ATP11A: variants seen among roughly 807,000 people sequenced by gnomAD.
ATP11A encodes the protein phospholipid-transporting ATPase IH.
ATP11A carries 81 observed loss-of-function variants against 154.4 expected under a neutral mutation model. The observed-to-expected ratio is 0.52, with a 90% CI of 0.44 to 0.63. ATP11A has a LOEUF of 0.63. ATP11A is among the 30% of genes least tolerant of loss of function. The probability of loss-of-function intolerance (pLI) is 0.00; values close to 1 mark genes in which losing one functional copy is unlikely to be tolerated. For missense variants in ATP11A, 1,316 were observed against 1,474.3 expected (o/e 0.89, Z 1.76); for synonymous variants, 623 against 585.9 (o/e 1.06, Z -0.91).
intron 1 of ATP11A, among the ~76,000 whole-genome samples, chr13:112,775,066 G>A (rs950195108): frequency 4.6e-5 from 7 of 152,282 alleles, no homozygotes; most frequent in Non-Finnish European, 8.8e-5. Context: ...GAGGGACAGC[G>A]AGTGGGTTGC....
chr13:112,763,483 A>T (rs767514819), intron 1 of ATP11A, among the ~76,000 whole-genome samples: 4 of 152,206 alleles, frequency 2.6e-5, no homozygotes, highest in Non-Finnish European at 5.9e-5. Flanking sequence ...AATACATTTC[A>T]TTGACATATT....
intron 2 of ATP11A, among the ~76,000 whole-genome samples, chr13:112,792,712 C>T (rs924986876): frequency 6.6e-6 from 1 of 152,172 alleles, no homozygotes; most frequent in Non-Finnish European, 1.5e-5. Flanking sequence ...ACGCCCCGTT[C>T]CCTGCTTCCT....
rs1328565172 is a variant in ATP11A at position 112,875,935 on chromosome 13, A to T, written c.3321A>T (p.Arg1107Ser). 1.4e-5 allele frequency: 22 copies of T among 1,610,922 alleles called. No individual in the cohort carries two copies. Among genetic ancestry groups the T allele is most frequent in the Non-Finnish European group, 1.9e-5 (22 of 1,179,930 alleles). Residue 1107 changes from arginine to serine, a missense_variant, in exon 28 of 30, where the codon AGA becomes AGT. Arg to Ser is a moderately radical substitution (Grantham distance 110). Transcript: ENST00000375645. This position sits in a 1 kb window ranked among gnomAD's most constrained non-coding sequence, Gnocchi z 4.1. The stretch of plus-strand genomic sequence containing the variant: ...AGCTGTGGCCAACAGCAACAGAGAG[A>T]GTCCAGGTACGGAGTGTCCCCAGCC... ...CRQLWPTATERVQTKSQCLSV... is the reference protein window; with the variant it reads ...CRQLWPTATESVQTKSQCLSV...
chr13:112,761,828 C>T (rs573655362), intron 1 of ATP11A, among the ~76,000 whole-genome samples: 21 of 152,196 alleles, frequency 1.4e-4, no homozygotes, highest in Non-Finnish European at 2.6e-4. Flanking sequence ...CACTGTGGCT[C>T]ATTCTAGCTG....
chr13:112,779,348 T>TAGCCGCTGGAGTGAG (rs2077439729), intron 1 of ATP11A, among the ~76,000 whole-genome samples: 1 of 55,596 alleles, frequency 1.8e-5, no homozygotes, highest in African/African-American at 7.9e-5. Context: ...GCCGCTGGAG[T>TAGCCGCTGGAGTGAG]GAGTAGCCGC....
chr13:112,845,332 T>A (rs368122174), intron 17 of ATP11A, among the ~76,000 whole-genome samples: 1 of 76,580 alleles, frequency 1.3e-5, no homozygotes, highest in Non-Finnish European at 2.4e-5. Flanking sequence ...GCCGGCACTA[T>A]CGGTACTAAC....
At chr13:112,702,345 C>CAAAAAA (rs35687422) in intron 1 of ATP11A, among the ~76,000 whole-genome samples, 3 of 121,732 alleles carry the variant, frequency 2.5e-5, no homozygotes, top group African/African-American at 9.5e-5. Context: ...GATTCTGTCT[C>CAAAAAA]AAAAAAAAAA....
At chr13:112,811,341 C>T (rs2078494722) in intron 5 of ATP11A, among the ~76,000 whole-genome samples, 1 of 151,820 alleles carries the variant, frequency 6.6e-6, no homozygotes, top group Non-Finnish European at 1.5e-5. Flanking sequence ...ATTATCACCA[C>T]CCCCATCCCC....
At chr13:112,795,390 A>T (rs2077974032) in intron 2 of ATP11A, among the ~76,000 whole-genome samples, 1 of 152,204 alleles carries the variant, frequency 6.6e-6, no homozygotes, top group Admixed American at 6.5e-5. Context: ...GTAACATGGG[A>T]ACTTTCAAAA....
intron 1 of ATP11A, among the ~76,000 whole-genome samples, chr13:112,740,024 A>G (rs1222480665): frequency 6.6e-6 from 1 of 152,078 alleles, no homozygotes; most frequent in African/African-American, 2.4e-5. Context: ...GATGATGAAA[A>G]TGCTCTAGAA....
intron 2 of ATP11A, among the ~76,000 whole-genome samples, chr13:112,791,879 G>GT (rs1406289239): frequency 6.6e-6 from 1 of 152,162 alleles, no homozygotes; most frequent in Non-Finnish European, 1.5e-5. Flanking sequence ...TTGAGAAGCC[G>GT]TAAGTCTCCT....
At chr13:112,770,070 GCTTTGGTCA>G (rs1259618110) in intron 1 of ATP11A, among the ~76,000 whole-genome samples, 1 of 152,238 alleles carries the variant, frequency 6.6e-6, no homozygotes, top group Non-Finnish European at 1.5e-5. Flanking sequence ...TCCAAGCGAT[GCTTTGGTCA>G]CCGGCTCTTT....
chr13:112,699,837 A>G (rs74489814), intron 1 of ATP11A, among the ~76,000 whole-genome samples: 1,988 of 152,306 alleles, frequency 0.013, 40 homozygotes, highest in East Asian at 0.052. Flanking sequence ...CAGCTGTAAA[A>G]TGAAACTCAT....
At chr13:112,843,999 G>A (rs141463349) in intron 17 of ATP11A, among the ~76,000 whole-genome samples, 4 of 152,312 alleles carry the variant, frequency 2.6e-5, no homozygotes, top group Non-Finnish European at 2.9e-5. Context: ...GGAGCCGAGC[G>A]GGTTCCTCTG....
rs1019812559 is a variant in ATP11A, at chr13:112,845,364, C to T, written c.1809+2985C>T. ...TAACCAGTCCAGTTGCCAGCACTAG[C>T]GGTACTATTCAGTCCAGTTGCCAGC... On this transcript the variant is annotated intron_variant, in intron 17 of 29. Coordinates refer to ENST00000375645, the MANE Select transcript of ATP11A (RefSeq NM_015205.3). Among the ~76,000 whole-genome samples the T allele has an allele frequency of 7.3e-5, 8 of 109,944 alleles. 2 individuals carry two copies. Among genetic ancestry groups the T allele is most frequent in the South Asian group, 2.6e-4 (1 of 3,832 alleles). The allele number at this position is 109,944 out of a possible 152,430, so 72.1% of individuals were successfully genotyped here.
At chr13:112,745,151 G>A (rs557963221) in intron 1 of ATP11A, among the ~76,000 whole-genome samples, 11 of 152,148 alleles carry the variant, frequency 7.2e-5, no homozygotes, top group African/African-American at 1.9e-4. Context: ...TGCAATCTCC[G>A]CTTCCTGGGT....
chr13:112,758,480 G>A (rs1431406024), intron 1 of ATP11A, among the ~76,000 whole-genome samples: 2 of 150,918 alleles, frequency 1.3e-5, no homozygotes, highest in East Asian at 1.9e-4. Flanking sequence ...CTGGAGTGCA[G>A]TGGCACAATC....
chr13:112,774,204 G>T (rs1459043250), intron 1 of ATP11A, among the ~76,000 whole-genome samples: 2 of 152,220 alleles, frequency 1.3e-5, no homozygotes, highest in Non-Finnish European at 2.9e-5. Context: ...TATGAAAGCA[G>T]ATTTTACTTG....
chr13:112,812,401 C>T (rs772765792), intron 5 of ATP11A, among the ~76,000 whole-genome samples: 2 of 152,180 alleles, frequency 1.3e-5, no homozygotes, highest in Admixed American at 6.5e-5. Flanking sequence ...GCCTCCCTGG[C>T]TGTTTTCCCA....
Sources: gnomAD v4.1 joint callset for allele counts (sites outside exome capture counted in the v4.1 genomes callset) on GRCh38, gnomAD v4.1.1 for gene constraint, Gnocchi (gnomAD v3.1) non-coding constraint, MANE v1.5 for transcripts, NCBI Gene and HGNC (gene_info 2026-07-23, HGNC 2026-07-21) for gene names.